Variants in ZNF804A observed in about 807,000 individuals in gnomAD.
ZNF804A encodes the protein zinc finger protein 804A.
A neutral mutation model predicts 16.5 loss-of-function variants in ZNF804A; 2 were observed. That is an observed-to-expected ratio of 0.12 (90% CI 0.05 to 0.38). ZNF804A has a LOEUF of 0.38. ZNF804A is among the 10% of genes least tolerant of loss of function. The pLI, the probability that ZNF804A is intolerant of heterozygous loss-of-function variation, is 0.99. For missense variants in ZNF804A, 1,473 were observed against 1,390.7 expected, an observed-to-expected ratio of 1.06 and a Z score of -0.94; for synonymous variants, 534 against 489.6, an observed-to-expected ratio of 1.09 and a Z score of -1.20.
intron 1 of ZNF804A, among the ~76,000 whole-genome samples, chr2:184,763,786 G>A (rs975701045): frequency 5.3e-5 from 8 of 151,316 alleles, no homozygotes; most frequent in Non-Finnish European, 1.0e-4. Flanking sequence ...GGGACTACAG[G>A]CACCTGCCAC....
At chr2:184,886,990 G>A (rs1684901739) in intron 2 of ZNF804A, among the ~76,000 whole-genome samples, 1 of 152,214 alleles carries the variant, frequency 6.6e-6, no homozygotes, top group Non-Finnish European at 1.5e-5. Context: ...TTTCTCCCCA[G>A]AAAACGAGAT....
intron 1 of ZNF804A, among the ~76,000 whole-genome samples, chr2:184,767,354 A>G (rs1367666390): frequency 2.6e-5 from 4 of 152,288 alleles, no homozygotes; most frequent in East Asian, 1.9e-4. Flanking sequence ...GAAACAAAAA[A>G]CAAATACAGT....
At chr2:184,902,033 C>T (rs1009897657) in intron 2 of ZNF804A, 1 of 152,070 alleles carries the variant, frequency 6.6e-6, no homozygotes, top group African/African-American at 2.4e-5. Context: ...GCAGCTCATA[C>T]AAGTTTTGTC....
intron 1 of ZNF804A, among the ~76,000 whole-genome samples, chr2:184,778,743 T>C (rs919864409): frequency 5.9e-5 from 9 of 151,674 alleles, no homozygotes; most frequent in African/African-American, 2.2e-4. Context: ...TGGGTACCTT[T>C]AATGATCCAG....
chr2:184,773,198 A>G (rs1278675704), intron 1 of ZNF804A, among the ~76,000 whole-genome samples: 2 of 151,732 alleles, frequency 1.3e-5, no homozygotes, highest in Admixed American at 1.3e-4. Flanking sequence ...ACAGAGAAAT[A>G]GAAAAATACC....
At chr2:184,813,703 A>G (rs1433251754) in intron 1 of ZNF804A, among the ~76,000 whole-genome samples, 3 of 152,050 alleles carry the variant, frequency 2.0e-5, no homozygotes, top group Admixed American at 2.0e-4. Context: ...TTTTCAAAGC[A>G]AAAATTTAGT....
At chr2:184,715,380 A>G (rs1161425158) in intron 1 of ZNF804A, among the ~76,000 whole-genome samples, 1 of 152,132 alleles carries the variant, frequency 6.6e-6, no homozygotes, top group East Asian at 1.9e-4. Flanking sequence ...AATAAAAGAT[A>G]TAAGTGCAAC....
intron 1 of ZNF804A, among the ~76,000 whole-genome samples, chr2:184,605,992 T>G (rs1486977306): frequency 2.0e-5 from 3 of 152,206 alleles, no homozygotes; most frequent in Non-Finnish European, 4.4e-5. Flanking sequence ...TTAGCACCAT[T>G]GGAAGAAAGT....
intron 2 of ZNF804A, among the ~76,000 whole-genome samples, chr2:184,918,522 A>G (rs1685485674): frequency 6.6e-6 from 1 of 152,172 alleles, no homozygotes; most frequent in Non-Finnish European, 1.5e-5. Flanking sequence ...AATTCAGAAC[A>G]TATACAGCTT....
At chr2:184,769,635 A>G (rs1250193167) in intron 1 of ZNF804A, among the ~76,000 whole-genome samples, 1 of 152,128 alleles carries the variant, frequency 6.6e-6, no homozygotes, top group Non-Finnish European at 1.5e-5. Flanking sequence ...AAATAAAGAG[A>G]CATTAGCATC....
intron 1 of ZNF804A, among the ~76,000 whole-genome samples, chr2:184,758,393 G>T (rs1419076311): frequency 1.3e-5 from 2 of 151,582 alleles, no homozygotes; most frequent in Admixed American, 1.3e-4. Context: ...ACTACTTTAG[G>T]TGTTTTACAT....
intron 2 of ZNF804A, among the ~76,000 whole-genome samples, chr2:184,919,672 C>T (rs1201354843): frequency 6.6e-6 from 1 of 152,190 alleles, no homozygotes; most frequent in African/African-American, 2.4e-5. Flanking sequence ...AACCATCCAG[C>T]CAACCCATTG....
chr2:184,887,494 G>A (rs1684912032), intron 2 of ZNF804A, among the ~76,000 whole-genome samples: 1 of 152,102 alleles, frequency 6.6e-6, no homozygotes, highest in Admixed American at 6.5e-5. Context: ...TACTGTATTA[G>A]TCCTTTTTCA....
At chr2:184,694,156 T>A (rs1158803350) in intron 1 of ZNF804A, among the ~76,000 whole-genome samples, 2 of 150,412 alleles carry the variant, frequency 1.3e-5, no homozygotes, top group Non-Finnish European at 3.0e-5. Flanking sequence ...ACCATGTTGG[T>A]CAGGCTGGTC....
At chr2:184,745,550 T>A (rs1244619752) in intron 1 of ZNF804A, among the ~76,000 whole-genome samples, 4 of 151,650 alleles carry the variant, frequency 2.6e-5, no homozygotes, top group East Asian at 1.9e-4. Context: ...TTGTATGAAA[T>A]ATGAAGAACA....
intron 1 of ZNF804A, among the ~76,000 whole-genome samples, chr2:184,766,399 G>C (rs774059307): frequency 2.0e-5 from 3 of 151,786 alleles, no homozygotes; most frequent in African/African-American, 4.8e-5. Context: ...AACAATCATA[G>C]ATATACCCAA....
chr2:184,873,484 T>C (rs1040095902), intron 2 of ZNF804A, among the ~76,000 whole-genome samples: 2 of 152,130 alleles, frequency 1.3e-5, no homozygotes, highest in Non-Finnish European at 2.9e-5. Context: ...CAAGAACCTG[T>C]AAACAAACAA....
At chr2:184,798,314 A>G (rs1694670460) in intron 1 of ZNF804A, among the ~76,000 whole-genome samples, 1 of 151,814 alleles carries the variant, frequency 6.6e-6, no homozygotes, top group African/African-American at 2.4e-5. Context: ...ATTTTCCTCG[A>G]TTATTCCCCC....
chr2:184,633,162 A>C (rs1691640706), intron 1 of ZNF804A, among the ~76,000 whole-genome samples: 1 of 152,156 alleles, frequency 6.6e-6, no homozygotes, highest in Admixed American at 6.5e-5. Flanking sequence ...CTCACTCTGC[A>C]TTGCTATTCC....
Sources: allele counts gnomAD v4.1 joint callset (sites outside exome capture counted in the v4.1 genomes callset), GRCh38; gene constraint gnomAD v4.1.1; transcripts MANE v1.5; gene names NCBI Gene and HGNC (gene_info 2026-07-23, HGNC 2026-07-21).